SERGEF: variants seen among roughly 807,000 people sequenced by gnomAD.
SERGEF encodes the protein secretion regulating guanine nucleotide exchange factor.
A neutral mutation model predicts 50.0 loss-of-function variants in SERGEF; 51 were observed. The ratio of observed to expected loss-of-function variants is 1.02; its 90% CI spans 0.81 to 1.29. The LOEUF is 1.29. Among genes scored for constraint, SERGEF ranks in the 50% most tolerant of loss-of-function variants. The pLI is 0.00. For missense variants in SERGEF, 521 were observed against 557.0 expected, an observed-to-expected ratio of 0.94 and a Z score of 0.65; for synonymous variants, 205 against 212.4, an observed-to-expected ratio of 0.97 and a Z score of 0.30.
chr11:17,999,626 G>A (rs1215544242), intron 5 of SERGEF: 1 of 451,634 alleles, frequency 2.2e-6, no homozygotes, highest in Admixed American at 2.4e-5. Context: ...GAGATAAAAG[G>A]GTCACCATTC....
intron 8 of SERGEF, among the ~76,000 whole-genome samples, chr11:17,976,683 A>G (rs1853383131): frequency 6.6e-6 from 1 of 152,130 alleles, no homozygotes; most frequent in Non-Finnish European, 1.5e-5. Context: ...CCAAAAACCT[A>G]AAAATGATGG....
intron 9 of SERGEF, among the ~76,000 whole-genome samples, chr11:17,898,115 A>G (rs1851680737): frequency 2.0e-5 from 3 of 152,254 alleles, no homozygotes. Context: ...ATTAAAAAAT[A>G]TATTTTAAAT....
intron 8 of SERGEF, among the ~76,000 whole-genome samples, chr11:17,963,353 C>T (rs1320177142): frequency 1.0e-5 from 1 of 95,278 alleles, no homozygotes; most frequent in Non-Finnish European, 1.9e-5. Context: ...AACTTGGTTG[C>T]TTACTATTAG....
At chr11:18,004,849 T>C (rs1361881519) in intron 3 of SERGEF, among the ~76,000 whole-genome samples, 2 of 152,228 alleles carry the variant, frequency 1.3e-5, no homozygotes, top group Non-Finnish European at 2.9e-5. Context: ...AAATTTCCAT[T>C]AGTAAAACAA....
At chr11:17,819,489 A>G (rs1215600187) in intron 10 of SERGEF, among the ~76,000 whole-genome samples, 1 of 152,234 alleles carries the variant, frequency 6.6e-6, no homozygotes, top group Non-Finnish European at 1.5e-5. Context: ...TCAGATAACA[A>G]AACAGAGGCT....
chr11:17,981,710 C>T (rs1298679894), intron 8 of SERGEF, among the ~76,000 whole-genome samples: 1 of 152,184 alleles, frequency 6.6e-6, no homozygotes, highest in Non-Finnish European at 1.5e-5. Flanking sequence ...TCTCAGGAAC[C>T]ATTTCCCAGT....
At chr11:17,903,816 A>G (rs921014118) in intron 9 of SERGEF, among the ~76,000 whole-genome samples, 5 of 152,268 alleles carry the variant, frequency 3.3e-5, no homozygotes, top group African/African-American at 1.2e-4. Context: ...TCTAACCATG[A>G]TCAGAACTGA....
At chr11:17,997,472 T>C (rs1452756766) in intron 5 of SERGEF, among the ~76,000 whole-genome samples, 1 of 152,196 alleles carries the variant, frequency 6.6e-6, no homozygotes, top group Non-Finnish European at 1.5e-5. Flanking sequence ...GTATGGTAGT[T>C]CCTCAGAAAA....
chr11:17,903,291 C>G (rs923453045), intron 9 of SERGEF, among the ~76,000 whole-genome samples: 1 of 128,124 alleles, frequency 7.8e-6, no homozygotes, highest in Non-Finnish European at 1.7e-5. Flanking sequence ...GAAGAAAAAC[C>G]TGGCAAAAAC....
intron 9 of SERGEF, among the ~76,000 whole-genome samples, chr11:17,911,914 G>A (rs1327293442): frequency 1.3e-5 from 2 of 152,122 alleles, no homozygotes; most frequent in African/African-American, 4.8e-5. Context: ...TCAAGTGGAG[G>A]TAGCTGGGTA....
At chr11:17,896,845 G>GGGTAAC (rs1369294343) in intron 9 of SERGEF, among the ~76,000 whole-genome samples, 1 of 74,444 alleles carries the variant, frequency 1.3e-5, no homozygotes, top group Non-Finnish European at 2.7e-5. Context: ...GGTAAGGGAA[G>GGGTAAC]GGAAGGGTAA....
chr11:17,988,466 A>T, intron 8 of SERGEF, 131 bp downstream of exon 8: 1 of 815,102 alleles, frequency 1.2e-6, no homozygotes, highest in Non-Finnish European at 1.8e-6. Context: ...GCAGAACTAG[A>T]TCCCAGTATC....
chr11:17,820,860 T>C (rs1219593426), intron 10 of SERGEF, among the ~76,000 whole-genome samples: 1 of 152,036 alleles, frequency 6.6e-6, no homozygotes, highest in Non-Finnish European at 1.5e-5. Context: ...AGTGTGACCA[T>C]GGAGGCAGGG....
intron 10 of SERGEF, among the ~76,000 whole-genome samples, chr11:17,840,390 C>T (rs532119878): frequency 5.3e-5 from 8 of 152,248 alleles, no homozygotes; most frequent in South Asian, 2.1e-4. Context: ...TCACATGGTG[C>T]CAGGGCTGGA....
rs1851389060 is a variant in SERGEF at position 17,884,248 on chromosome 11, G to A, written c.1012-6004C>T. Among the ~76,000 whole-genome samples the A allele has an allele frequency of 6.6e-6, 1 of 152,216 alleles. No homozygotes were observed. The highest frequency in any genetic ancestry group is 1.5e-5 in the Non-Finnish European group (1 of 68,030). On this transcript the variant is annotated intron_variant, in intron 9 of 10. Coordinates refer to ENST00000265965, the MANE Select transcript of SERGEF (RefSeq NM_012139.4). This position sits in a 1 kb window ranked among gnomAD's most constrained non-coding sequence, Gnocchi z 4.6. The stretch of plus-strand genomic sequence containing the variant: ...ATGGCCAGGGTGGAAGGGGAGTAAC[G>A]GGGTTTAGGTTGGTACGGTACTGGG...
At chr11:17,985,908 G>A (rs1443254418) in intron 8 of SERGEF, among the ~76,000 whole-genome samples, 1 of 152,158 alleles carries the variant, frequency 6.6e-6, no homozygotes, top group Non-Finnish European at 1.5e-5. Flanking sequence ...CTTTGTTATA[G>A]GAGACTGCCC....
chr11:17,946,768 A>G (rs924008858), intron 9 of SERGEF, among the ~76,000 whole-genome samples: 2 of 152,126 alleles, frequency 1.3e-5, no homozygotes, highest in African/African-American at 4.8e-5. Flanking sequence ...AGATGCCTAT[A>G]TTTCTATGCC....
intron 1 of SERGEF, chr11:18,010,158 T>A: frequency 9.0e-7 from 1 of 1,106,562 alleles, no homozygotes; most frequent in South Asian, 1.3e-5. Context: ...GGAAAGGTGA[T>A]GTAAAATAAT....
chr11:17,898,609 T>C (rs947950533), intron 9 of SERGEF, among the ~76,000 whole-genome samples: 1 of 152,184 alleles, frequency 6.6e-6, no homozygotes, highest in African/African-American at 2.4e-5. Context: ...AGGGGAAGTG[T>C]GAAATTGTTT....
Sources: allele counts gnomAD v4.1 joint callset (sites outside exome capture counted in the v4.1 genomes callset), GRCh38; gene constraint gnomAD v4.1.1; non-coding constraint Gnocchi (gnomAD v3.1); transcripts MANE v1.5; gene names NCBI Gene and HGNC (gene_info 2026-07-23, HGNC 2026-07-21).